The following RGS20 variants were observed in gnomAD, a reference collection of about 807,000 sequenced individuals.
The protein encoded by RGS20 is gz-selective GTPase-activating protein.
RGS20 carries 30 observed loss-of-function variants against 33.6 expected under a neutral mutation model. That is an observed-to-expected ratio of 0.89 (90% CI 0.67 to 1.21). The LOEUF is 1.21. Ranked by LOEUF, RGS20 falls within the 50% of genes most tolerant of loss-of-function variation. The pLI, the probability that RGS20 is intolerant of heterozygous loss-of-function variation, is 0.00. For synonymous variants in RGS20, 208 were observed against 197.9 expected (o/e 1.05, Z -0.43); for missense variants, 472 against 502.4 (o/e 0.94, Z 0.58).
At chr8:53,942,412 T>C (rs551725632) in intron 3 of RGS20, among the ~76,000 whole-genome samples, 1 of 152,050 alleles carries the variant, frequency 6.6e-6, no homozygotes, top group African/African-American at 2.4e-5. Flanking sequence ...TGAATGATGA[T>C]TGTGCCATTG....
chr8:53,904,281 G>GTAAT lies in RGS20; in HGVS notation c.510+24679_510+24680insTAAT, dbSNP rs1813107130. On this transcript the variant is annotated intron_variant, in intron 2 of 5. Transcript: ENST00000297313. ...GAAGTAGCTGGGATTACAGGTGCCT[G>GTAAT]CCACCACACTTGGCTAATTTTTATA... is the stretch of plus-strand genomic sequence containing the variant. Among the ~76,000 whole-genome samples the GTAAT allele has an allele frequency of 2.6e-5, 4 of 152,142 alleles. No homozygotes were observed. The South Asian group carries it at 6.2e-4, about 24-fold the overall frequency.
At chr8:53,944,476 T>C (rs1433143591) in intron 3 of RGS20, among the ~76,000 whole-genome samples, 1 of 150,816 alleles carries the variant, frequency 6.6e-6, no homozygotes, top group Non-Finnish European at 1.5e-5. Flanking sequence ...AGGCGGAGGT[T>C]GTAGGGAGCT....
intron 3 of RGS20, among the ~76,000 whole-genome samples, chr8:53,941,068 C>T (rs1481285190): frequency 2.6e-5 from 4 of 152,312 alleles, no homozygotes; most frequent in African/African-American, 7.2e-5. Flanking sequence ...TGCTGCCTCA[C>T]GCAGGGTGTG....
intron 2 of RGS20, chr8:53,914,799 A>G (rs1230631500): frequency 6.6e-6 from 1 of 152,224 alleles, no homozygotes; most frequent in Non-Finnish European, 1.5e-5. Flanking sequence ...GATGACATGC[A>G]AATTCATGAA....
At chr8:53,951,435 G>A (rs1006115999) in intron 4 of RGS20, among the ~76,000 whole-genome samples, 37 of 152,022 alleles carry the variant, frequency 2.4e-4, no homozygotes, top group African/African-American at 8.7e-4. Context: ...GCTGCAGTGA[G>A]CCATGATCAC....
intron 1 of RGS20, among the ~76,000 whole-genome samples, chr8:53,868,697 T>A (rs57594047): frequency 0.028 from 4,266 of 152,148 alleles, 161 homozygotes; most frequent in African/African-American, 0.087. Context: ...ATAGATATAC[T>A]CACTGAATTT....
At chr8:53,914,538 AT>A (rs1813431861) in intron 2 of RGS20, among the ~76,000 whole-genome samples, 1 of 152,146 alleles carries the variant, frequency 6.6e-6, no homozygotes. Context: ...TAGTTCACTA[AT>A]TTAACAAGCC....
rs1563330365 is a variant in RGS20 at position 53,851,879 on chromosome 8, T to C, written c.-21T>C. 2 of 1,612,922 alleles carry C rather than the reference T, an allele frequency of 1.2e-6. No homozygotes were observed. Among genetic ancestry groups the C allele is most frequent in the African/African-American group, 2.7e-5 (2 of 74,902 alleles). On this transcript the variant is annotated 5_prime_UTR_variant, in exon 1 of 6. Transcript: ENST00000297313. ...GGAAAACCAGGCAACAGGACTCATT[T>C]GGGGCCTTTATTGTGAAAACATGCC...
chr8:53,939,783 G>A (rs1048557601), intron 3 of RGS20, 59 bp downstream of exon 2: 2 of 1,487,164 alleles, frequency 1.3e-6, no homozygotes, highest in Admixed American at 2.4e-5. Flanking sequence ...ATGTGCTCCT[G>A]ACTGGGACGT....
In RGS20 at chr8:53,859,123, A is replaced by C. The variant is rs537003925; in HGVS notation, c.165+7059A>C. Among the ~76,000 whole-genome samples, 18 of 152,298 alleles carry C rather than the reference A, an allele frequency of 1.2e-4. No individual in the cohort carries two copies. The South Asian group carries it at 3.5e-3, about 30-fold the overall frequency. ...AGTCACTCAGATTTTTTGTATTTTG[A>C]AAATTAACATAATACATTTGTTTTT... On this transcript the variant is annotated intron_variant, in intron 1 of 5. Transcript: ENST00000297313.
chr8:53,948,330 T>TG (rs1814597218), intron 4 of RGS20, among the ~76,000 whole-genome samples: 1 of 139,240 alleles, frequency 7.2e-6, no homozygotes, highest in African/African-American at 2.7e-5. Context: ...ATGCTATATA[T>TG]AAGACAGTAT....
At chr8:53,931,787 G>A (rs991331959) in intron 2 of RGS20, among the ~76,000 whole-genome samples, 3 of 152,142 alleles carry the variant, frequency 2.0e-5, no homozygotes, top group Non-Finnish European at 4.4e-5. Context: ...CCTCACCCAG[G>A]AAGTGCAAGG....
intron 2 of RGS20, among the ~76,000 whole-genome samples, chr8:53,905,802 G>A (rs533174346): frequency 9.2e-5 from 14 of 152,138 alleles, no homozygotes; most frequent in Admixed American, 4.6e-4. Flanking sequence ...AGAATCTAGC[G>A]AGCAGCCAAA....
chr8:53,891,498 G>C (rs1165943761), intron 2 of RGS20, among the ~76,000 whole-genome samples: 1 of 151,998 alleles, frequency 6.6e-6, no homozygotes, highest in African/African-American at 2.4e-5. Context: ...GCGTGTGCCT[G>C]TAGTCCCAGC....
intron 2 of RGS20, among the ~76,000 whole-genome samples, chr8:53,936,295 G>C (rs996106422): frequency 1.3e-5 from 2 of 152,178 alleles, no homozygotes; most frequent in African/African-American, 4.8e-5. Context: ...AATAGGAAGA[G>C]AGAGAGTCAA....
chr8:53,880,100 G>A (rs879904252), intron 2 of RGS20: 1 of 153,074 alleles, frequency 6.5e-6, no homozygotes, highest in African/African-American at 2.4e-5. Flanking sequence ...CGGCCCCACC[G>A]GGTCCCACTC....
rs145024367 is a variant in RGS20, at chr8:53,934,563, T to C, written c.511-5013T>C. Among the ~76,000 whole-genome samples, 615 of 152,272 alleles carry C rather than the reference T, an allele frequency of 4.0e-3. 2 individuals carry two copies. Among genetic ancestry groups the C allele is most frequent in the Non-Finnish European group, 7.1e-3 (481 of 68,020 alleles). The stretch of plus-strand genomic sequence containing the variant: ...TCAACACAACAAGAAGAGATAACTA[T>C]CCTAAACATATATGCACCCAATAAA... On this transcript the variant is annotated intron_variant, in intron 2 of 5. Coordinates refer to ENST00000297313, the MANE Select transcript of RGS20 (RefSeq NM_170587.4).
intron 1 of RGS20, among the ~76,000 whole-genome samples, chr8:53,860,865 G>A (rs1811794786): frequency 6.6e-6 from 1 of 152,098 alleles, no homozygotes; most frequent in Admixed American, 6.6e-5. Flanking sequence ...TACTCAGGAG[G>A]CTGAGGCAGG....
intron 2 of RGS20, among the ~76,000 whole-genome samples, chr8:53,886,238 G>A (rs1812544439): frequency 6.6e-6 from 1 of 152,186 alleles, no homozygotes; most frequent in African/African-American, 2.4e-5. Context: ...TTAAGGCGAC[G>A]CTGCTTGGAG....
Sources: allele counts gnomAD v4.1 joint callset (sites outside exome capture counted in the v4.1 genomes callset), GRCh38; gene constraint gnomAD v4.1.1; transcripts MANE v1.5; gene names NCBI Gene and HGNC (gene_info 2026-07-23, HGNC 2026-07-21).